CTNND2: variants seen among roughly 807,000 people sequenced by gnomAD.
CTNND2 encodes the protein catenin delta-2.
Under a neutral mutation model 144.4 loss-of-function variants are expected in CTNND2, and 22 were observed. The ratio of observed to expected loss-of-function variants is 0.15; its 90% confidence interval spans 0.11 to 0.22. CTNND2 has a LOEUF of 0.22. Ranked by LOEUF, CTNND2 falls within the 10% of genes least tolerant of loss-of-function variation. The pLI is 1.00. For synonymous variants in CTNND2, 751 were observed against 695.6 expected (o/e 1.08, Z -1.25); for missense variants, 1,353 against 1,618.8 (o/e 0.84, Z 2.82).
At chr5:11,336,713 ATTAT>A (rs1012639801) in intron 9 of CTNND2, among the ~76,000 whole-genome samples, 4 of 152,208 alleles carry the variant, frequency 2.6e-5, no homozygotes, top group African/African-American at 4.8e-5. Flanking sequence ...ATATACACAC[ATTAT>A]TTATCATCTG....
chr5:11,362,827 G>A (rs924872500), intron 8 of CTNND2, among the ~76,000 whole-genome samples: 1 of 152,168 alleles, frequency 6.6e-6, no homozygotes, highest in South Asian at 2.1e-4. Context: ...AGCAGGAGAC[G>A]ACAAATTTTT....
chr5:11,740,517 T>C (rs1331555310), intron 1 of CTNND2, among the ~76,000 whole-genome samples: 1 of 152,170 alleles, frequency 6.6e-6, no homozygotes, highest in Non-Finnish European at 1.5e-5. Flanking sequence ...ATCCCTTCCT[T>C]ACACCTTATA....
chr5:11,770,909 G>A (rs1020057550), intron 1 of CTNND2, among the ~76,000 whole-genome samples: 2 of 151,856 alleles, frequency 1.3e-5, no homozygotes, highest in Admixed American at 6.6e-5. Context: ...AAGGAGGGGG[G>A]GACTAGTTTC....
At chr5:11,176,166 C>G (rs1487019572) in intron 11 of CTNND2, among the ~76,000 whole-genome samples, 2 of 152,074 alleles carry the variant, frequency 1.3e-5, no homozygotes, top group Non-Finnish European at 2.9e-5. Context: ...CATTATTTTT[C>G]CTTCTTCTTA....
Position 11,735,534 on chromosome 5 carries a change from G to A in CTNND2, c.38-3262C>T, listed in dbSNP as rs563418059. 4.6e-5 allele frequency among the ~76,000 whole-genome samples: 7 copies of A among 152,294 alleles called. No homozygotes were observed. The South Asian group carries it at 1.5e-3, about 32-fold the overall frequency. The stretch of plus-strand genomic sequence containing the variant: ...AGGGGACTCTATGCAAGGTGATATG[G>A]TTTGGCTATGTCCCCCGACAAATCT... On this transcript the variant is annotated intron_variant, in intron 1 of 21. Coordinates refer to ENST00000304623, the MANE Select transcript of CTNND2 (RefSeq NM_001332.4).
At chr5:11,601,977 G>A (rs888765956) in intron 2 of CTNND2, among the ~76,000 whole-genome samples, 6 of 151,942 alleles carry the variant, frequency 3.9e-5, no homozygotes, top group African/African-American at 7.2e-5. Context: ...AGAAGATTTC[G>A]CCAGGTGGGG....
At chr5:11,343,159 A>G (rs1198396831) in intron 9 of CTNND2, among the ~76,000 whole-genome samples, 1 of 152,186 alleles carries the variant, frequency 6.6e-6, no homozygotes, top group Non-Finnish European at 1.5e-5. Context: ...CCAACCATCA[A>G]CAAGAAAATC....
intron 9 of CTNND2, among the ~76,000 whole-genome samples, chr5:11,257,729 AC>A (rs1013660546): frequency 7.2e-5 from 11 of 152,056 alleles, no homozygotes; most frequent in Non-Finnish European, 1.3e-4. Flanking sequence ...CTTATCACCC[AC>A]CCTAACAGGA....
chr5:11,255,611 G>A (rs932709082), intron 9 of CTNND2, among the ~76,000 whole-genome samples: 3 of 152,136 alleles, frequency 2.0e-5, no homozygotes, highest in Non-Finnish European at 4.4e-5. Flanking sequence ...CAAAGGTTAC[G>A]CATTCTATCT....
chr5:11,704,262 T>C (rs1020744461), intron 2 of CTNND2, among the ~76,000 whole-genome samples: 2 of 152,234 alleles, frequency 1.3e-5, no homozygotes, highest in African/African-American at 4.8e-5. Context: ...AACAATCCAA[T>C]GCATGGCCTT....
intron 16 of CTNND2, among the ~76,000 whole-genome samples, chr5:11,037,077 T>A (rs565263780): frequency 6.6e-6 from 1 of 152,168 alleles, no homozygotes; most frequent in Non-Finnish European, 1.5e-5. Context: ...TAAAAGAAGA[T>A]CCCATTTCCA....
At chr5:11,240,741 C>T (rs1436941031) in intron 9 of CTNND2, among the ~76,000 whole-genome samples, 1 of 148,270 alleles carries the variant, frequency 6.7e-6, no homozygotes, top group African/African-American at 2.5e-5. Context: ...CACACACACA[C>T]CCAACACACA....
chr5:11,316,394 C>G (rs1751478361), intron 9 of CTNND2, among the ~76,000 whole-genome samples: 1 of 151,752 alleles, frequency 6.6e-6, no homozygotes, highest in East Asian at 1.9e-4. Flanking sequence ...CCTGGCTAAT[C>G]TAAGCACTTT....
intron 1 of CTNND2, among the ~76,000 whole-genome samples, chr5:11,782,625 G>T (rs182862777): frequency 6.6e-6 from 1 of 152,050 alleles, no homozygotes; most frequent in Admixed American, 6.5e-5. Flanking sequence ...ATTCCACTAC[G>T]ACGAATCTAT....
intron 8 of CTNND2, among the ~76,000 whole-genome samples, chr5:11,360,744 C>T (rs1756365234): frequency 1.3e-5 from 2 of 152,106 alleles, no homozygotes; most frequent in South Asian, 4.1e-4. Context: ...TATTACCTTC[C>T]AATACCGGTT....
At chr5:11,350,149 A>AC (rs985057834) in intron 8 of CTNND2, among the ~76,000 whole-genome samples, 3 of 152,202 alleles carry the variant, frequency 2.0e-5, no homozygotes, top group Admixed American at 6.5e-5. Flanking sequence ...AAGAAAAAAA[A>AC]AATTTACACT....
chr5:11,735,338 G>A (rs1347076822), intron 1 of CTNND2, among the ~76,000 whole-genome samples: 1 of 152,202 alleles, frequency 6.6e-6, no homozygotes, highest in Non-Finnish European at 1.5e-5. Flanking sequence ...GTTGTGCCCA[G>A]ATAAAGAGTG....
chr5:11,149,872 C>T (rs1156951378), intron 12 of CTNND2, among the ~76,000 whole-genome samples: 2 of 152,200 alleles, frequency 1.3e-5, no homozygotes, highest in Admixed American at 1.3e-4. Flanking sequence ...ACAGGGCTGT[C>T]TTCCCTTTAG....
Position 11,151,037 on chromosome 5 carries a change from G to C in CTNND2, c.2159+8539C>G, listed in dbSNP as rs1757715212. Among the ~76,000 whole-genome samples the C allele has an allele frequency of 2.0e-5, 3 of 152,162 alleles. No homozygotes were observed. The South Asian group carries it at 6.2e-4, about 32-fold the overall frequency. ...TCTTCACTTAAGGTTCATCAACAGG[G>C]GCATGGCCCCACGTGGACTCTGCTT... On this transcript the variant is annotated intron_variant, in intron 12 of 21. Transcript: ENST00000304623.
Sources: allele counts gnomAD v4.1 joint callset (sites outside exome capture counted in the v4.1 genomes callset), GRCh38; gene constraint gnomAD v4.1.1; transcripts MANE v1.5; gene names NCBI Gene and HGNC (gene_info 2026-07-23, HGNC 2026-07-21).